Variants in GPHN observed in about 807,000 individuals in gnomAD.
GPHN encodes the protein gephyrin.
In GPHN, 17 loss-of-function variants were observed where a neutral mutation model predicts 95.5. The observed-to-expected ratio is 0.18, with a 90% CI of 0.12 to 0.27. The LOEUF (loss-of-function observed/expected upper bound fraction) is 0.27, where lower values mean the gene tolerates loss of function less well. GPHN is among the 10% of genes least tolerant of loss of function. GPHN has a pLI of 1.00. For missense variants in GPHN, 660 were observed against 978.1 expected, an observed-to-expected ratio of 0.67 and a Z score of 4.34; for synonymous variants, 320 against 322.5, an observed-to-expected ratio of 0.99 and a Z score of 0.08.
chr14:66,865,797 A>T (rs1462965198), intron 4 of GPHN, among the ~76,000 whole-genome samples: 1 of 152,196 alleles, frequency 6.6e-6, no homozygotes, highest in Non-Finnish European at 1.5e-5. Context: ...CTGCTTACAA[A>T]ATCTTTCAAG....
chr14:66,682,988 T>G (rs1264319445), intron 2 of GPHN, among the ~76,000 whole-genome samples: 1 of 151,800 alleles, frequency 6.6e-6, no homozygotes, highest in Non-Finnish European at 1.5e-5. Flanking sequence ...ACCACTAAAT[T>G]CTATATTTAA....
At chr14:66,766,167 T>C (rs550333973) in intron 2 of GPHN, among the ~76,000 whole-genome samples, 39 of 152,336 alleles carry the variant, frequency 2.6e-4, no homozygotes, top group African/African-American at 9.1e-4. Context: ...TGACAATCTT[T>C]CTGTCATTAG....
At chr14:66,599,615 A>G (rs2062141087) in intron 1 of GPHN, among the ~76,000 whole-genome samples, 1 of 151,810 alleles carries the variant, frequency 6.6e-6, no homozygotes, top group South Asian at 2.1e-4. Flanking sequence ...CCTTCCTGAT[A>G]TAAAAATTAT....
chr14:66,967,000 C>T (rs945484479), intron 9 of GPHN, among the ~76,000 whole-genome samples: 1 of 151,792 alleles, frequency 6.6e-6, no homozygotes, highest in Non-Finnish European at 1.5e-5. Flanking sequence ...TTGCTTATTG[C>T]AGAACTTTAG....
chr14:67,393,189 T>C, the GPHN span: 1 of 1,614,052 alleles, frequency 6.2e-7, no homozygotes, highest in Non-Finnish European at 8.5e-7. Context: ...TGCTCCATGT[T>C]GGGGCTTGAA....
At chr14:67,033,623 A>T (rs991850510) in intron 10 of GPHN, among the ~76,000 whole-genome samples, 1 of 152,122 alleles carries the variant, frequency 6.6e-6, no homozygotes, top group African/African-American at 2.4e-5. Context: ...CAGTGTATAC[A>T]TTATGAGAGT....
the GPHN span, chr14:67,470,365 C>G: frequency 6.6e-6 from 1 of 152,314 alleles, no homozygotes; most frequent in East Asian, 1.9e-4. Context: ...GGCGCACAAA[C>G]CGGTCGTGTG....
chr14:67,472,402 C>T, the GPHN span: 1 of 152,404 alleles, frequency 6.6e-6, no homozygotes, highest in South Asian at 2.1e-4. Context: ...ACCAAACTGA[C>T]TTGCCTCTAG....
chr14:67,225,652 AGTG>A, the GPHN span, among the ~76,000 whole-genome samples: 1 of 152,172 alleles, frequency 6.6e-6, no homozygotes, highest in Non-Finnish European at 1.5e-5. Context: ...ATATTCGTAG[AGTG>A]CCTGCAGGGC....
chr14:66,508,148 C>T lies in GPHN; in HGVS notation c.-380C>T. Reference sequence around the variant, plus strand: ...CGCAACCTCCAGAGCGTGTGCTATCCTTTCCTCTCAGTCCTGCCATCTAGC... The same window carrying T: ...CGCAACCTCCAGAGCGTGTGCTATCTTTTCCTCTCAGTCCTGCCATCTAGC... On this transcript the variant is annotated 5_prime_UTR_variant, in exon 1 of 23. Coordinates refer to ENST00000478722, the MANE Select transcript of GPHN (RefSeq NM_020806.5). The T allele has an allele frequency of 2.2e-6, 1 of 452,316 alleles. No individual in the cohort carries two copies. The highest frequency in any genetic ancestry group is 2.1e-5 in the South Asian group (1 of 46,826). The allele number at this position is 452,316 out of a possible 1,614,324, so 28.0% of individuals were successfully genotyped here.
At chr14:66,654,830 G>C (rs1379198180) in intron 1 of GPHN, among the ~76,000 whole-genome samples, 1 of 152,068 alleles carries the variant, frequency 6.6e-6, no homozygotes, top group African/African-American at 2.4e-5. Flanking sequence ...TTTTATGTAA[G>C]GCATGAGATA....
At chr14:66,723,986 TAC>T (rs371629259) in intron 2 of GPHN, among the ~76,000 whole-genome samples, 1,710 of 127,642 alleles carry the variant, frequency 0.013, 20 homozygotes, top group South Asian at 0.067. Flanking sequence ...CATGCATACA[TAC>T]ACACACACAC....
chr14:66,669,591 C>A (rs536913179), intron 1 of GPHN, among the ~76,000 whole-genome samples: 1 of 151,726 alleles, frequency 6.6e-6, no homozygotes, highest in East Asian at 1.9e-4. Context: ...TTTGACAATT[C>A]TTGGGGACTT....
the GPHN span, chr14:67,470,990 A>C: frequency 2.0e-5 from 3 of 152,236 alleles, no homozygotes; most frequent in Non-Finnish European, 4.4e-5. Flanking sequence ...AGTCTGGGCT[A>C]TCCCTGGTGA....
At chr14:66,695,700 T>G (rs1044744267) in intron 2 of GPHN, among the ~76,000 whole-genome samples, 4 of 152,148 alleles carry the variant, frequency 2.6e-5, no homozygotes, top group African/African-American at 9.7e-5. Flanking sequence ...TATCAAACTA[T>G]GAGAAGATAA....
At chr14:67,403,274 G>C in the GPHN span, among the ~76,000 whole-genome samples, 1 of 152,158 alleles carries the variant, frequency 6.6e-6, no homozygotes, top group Non-Finnish European at 1.5e-5. Context: ...ATGCATGTTT[G>C]GTGGTAGTCA....
intron 3 of GPHN, among the ~76,000 whole-genome samples, chr14:66,813,843 G>C (rs1188642424): frequency 6.6e-6 from 1 of 152,156 alleles, no homozygotes; most frequent in Non-Finnish European, 1.5e-5. Context: ...CCCTAGCCTG[G>C]TCATGCCTGC....
chr14:66,732,463 T>C (rs2071861634), intron 2 of GPHN, among the ~76,000 whole-genome samples: 1 of 152,194 alleles, frequency 6.6e-6, no homozygotes, highest in Non-Finnish European at 1.5e-5. Flanking sequence ...TTTCTCCCAT[T>C]TAGAATCGGT....
At chr14:67,070,715 A>AAAAAAATATAT in intron 11 of GPHN, among the ~76,000 whole-genome samples, 1 of 80,740 alleles carries the variant, frequency 1.2e-5, no homozygotes, top group Non-Finnish European at 1.9e-5. Flanking sequence ...AAAAAAAAAA[A>AAAAAAATATAT]ATATATATAT....
Sources: allele counts gnomAD v4.1 joint callset (sites outside exome capture counted in the v4.1 genomes callset), GRCh38; gene constraint gnomAD v4.1.1; transcripts MANE v1.5; gene names NCBI Gene and HGNC (gene_info 2026-07-23, HGNC 2026-07-21).